Variants in NUP58 observed in about 807,000 individuals in gnomAD.
NUP58 encodes nucleoporin 58, also known as nucleoporin p58/p45.
NUP58 carries 17 observed loss-of-function variants against 70.1 expected under a neutral mutation model. That is an observed-to-expected ratio of 0.24 (90% CI 0.17 to 0.36). The LOEUF (loss-of-function observed/expected upper bound fraction) is 0.36, where lower values mean the gene tolerates loss of function less well. Ranked by LOEUF, NUP58 falls within the 10% of genes least tolerant of loss-of-function variation. The pLI, the probability that NUP58 is intolerant of heterozygous loss-of-function variation, is 1.00. For synonymous variants in NUP58, 275 were observed against 257.6 expected, an observed-to-expected ratio of 1.07 and a Z score of -0.65; for missense variants, 644 against 701.5, an observed-to-expected ratio of 0.92 and a Z score of 0.93.
chr13:25,349,158 A>T (rs749841866), intron 3 of NUP58, among the ~76,000 whole-genome samples: 1 of 152,144 alleles, frequency 6.6e-6, no homozygotes, highest in East Asian at 1.9e-4. Flanking sequence ...TTTGTCTCCC[A>T]TATTAGGCTG....
Position 25,340,169 on chromosome 13 carries a change from C to T in NUP58, c.*35C>T, listed in dbSNP as rs368330785. ...GATGTGTTGAGAGAATCCATAGCAG[C>T]ACCGTTCATTCTATGAGTCTATTTT... is the stretch of plus-strand genomic sequence containing the variant. On this transcript the variant is annotated 3_prime_UTR_variant, in exon 16 of 16. Transcript: ENST00000381736. 2.6e-6 allele frequency: 4 copies of T among 1,541,132 alleles called. No individual in the cohort carries two copies. The highest frequency in any genetic ancestry group is 2.8e-5 in the African/African-American group (2 of 71,590).
At chr13:25,338,349 T>C (rs1386371614) in intron 14 of NUP58, among the ~76,000 whole-genome samples, 1 of 152,186 alleles carries the variant, frequency 6.6e-6, no homozygotes, top group Non-Finnish European at 1.5e-5. Flanking sequence ...TGGGTAAAAT[T>C]TTCTAGCACA....
intron 1 of NUP58, among the ~76,000 whole-genome samples, chr13:25,302,210 T>C (rs2030052659): frequency 6.6e-6 from 1 of 152,256 alleles, no homozygotes; most frequent in African/African-American, 2.4e-5. Context: ...TGTGTCAGTC[T>C]TAGGCATAGA....
intron 6 of NUP58, chr13:25,317,592 CAAAG>C (rs2030990984): frequency 6.6e-6 from 1 of 151,888 alleles, no homozygotes; most frequent in Non-Finnish European, 1.5e-5. Flanking sequence ...AATGTCATAT[CAAAG>C]AAATAATATG....
At chr13:25,309,353 T>C (rs1286486064) in intron 3 of NUP58, 71 bp downstream of exon 3, 3 of 1,146,436 alleles carry the variant, frequency 2.6e-6, no homozygotes, top group Non-Finnish European at 3.8e-6. Flanking sequence ...GTGATCTTTC[T>C]ACTCTTCTCT....
downstream of NUP58, among the ~76,000 whole-genome samples, chr13:25,346,136 C>A (rs774196327): frequency 6.6e-6 from 1 of 152,156 alleles, no homozygotes; most frequent in Non-Finnish European, 1.5e-5. Flanking sequence ...AATATAAATA[C>A]ATATGGGTAG....
At chr13:25,313,582 CT>C (rs771936328) in intron 4 of NUP58, 31 bp from the exon 5 acceptor site, 1 of 1,426,022 alleles carries the variant, frequency 7.0e-7, no homozygotes, top group Non-Finnish European at 9.2e-7. Context: ...AATAAGTTGC[CT>C]TTTGAAAGCT....
At chr13:25,302,379 T>C (rs1179278455) in intron 1 of NUP58, among the ~76,000 whole-genome samples, 2 of 152,250 alleles carry the variant, frequency 1.3e-5, no homozygotes, top group Non-Finnish European at 2.9e-5. Context: ...ACATGGGACC[T>C]TATCTGTTTT....
intron 6 of NUP58, among the ~76,000 whole-genome samples, chr13:25,316,367 G>GGT: frequency 6.6e-6 from 1 of 151,654 alleles, no homozygotes; most frequent in Non-Finnish European, 1.5e-5. Context: ...TATATACTAG[G>GGT]GTATATATAT....
chr13:25,312,932 C>T lies in NUP58; in HGVS notation c.336C>T (p.Phe112=). The T allele has an allele frequency of 1.2e-6, 2 of 1,614,032 alleles. No individual in the cohort carries two copies. The highest frequency in any genetic ancestry group is 1.7e-6 in the Non-Finnish European group (2 of 1,179,982). ...SAATTGFSLG[F]NKPAASATPF... ...CTACAACAGGCTTCAGTTTAGGATTCAATAAACCTGCAGCATCTGCCACAC... is the reference window on the plus strand; with the variant it reads ...CTACAACAGGCTTCAGTTTAGGATTTAATAAACCTGCAGCATCTGCCACAC... Residue 112 remains phenylalanine (F), a synonymous_variant, in exon 4 of 16, where the codon TTC becomes TTT. Coordinates refer to ENST00000381736, the MANE Select transcript of NUP58 (RefSeq NM_014089.4).
At chr13:25,329,202 C>T (rs2031513903) in intron 12 of NUP58, among the ~76,000 whole-genome samples, 1 of 152,056 alleles carries the variant, frequency 6.6e-6, no homozygotes, top group African/African-American at 2.4e-5. Context: ...ATTATGAAAT[C>T]TTTCAAATAT....
intron 11 of NUP58, 72 bp downstream of exon 11, chr13:25,327,106 A>C (rs2031425219): frequency 1.2e-6 from 1 of 833,346 alleles, no homozygotes; most frequent in Admixed American, 2.4e-5. Flanking sequence ...TATAATAGGT[A>C]TTTTGGATAA....
At chr13:25,334,669 G>A (rs1328581724) in intron 13 of NUP58, 5 of 979,362 alleles carry the variant, frequency 5.1e-6, no homozygotes, top group Non-Finnish European at 6.1e-6. Context: ...ATTACATTAG[G>A]CATTTGGGGT....
At chr13:25,346,668 A>C (rs989089132), downstream of NUP58, among the ~76,000 whole-genome samples, 15 of 151,296 alleles carry the variant, frequency 9.9e-5, no homozygotes, top group Admixed American at 2.6e-4. Context: ...TGCAGTGAGC[A>C]GAGATCGCAC....
At chr13:25,345,654 CA>C (rs141702998), downstream of NUP58, among the ~76,000 whole-genome samples, 740 of 152,114 alleles carry the variant, frequency 4.9e-3, 32 homozygotes, top group East Asian at 0.088. Flanking sequence ...TAGGAACTGT[CA>C]AAGAGAAGTT....
chr13:25,343,632 G>A (rs920968592), downstream of NUP58, among the ~76,000 whole-genome samples: 2 of 151,270 alleles, frequency 1.3e-5, no homozygotes, highest in African/African-American at 4.8e-5. Context: ...TTTTAGTAGA[G>A]ATTTAAGTAG....
intron 6 of NUP58, among the ~76,000 whole-genome samples, chr13:25,317,436 T>C (rs772026568): frequency 2.4e-4 from 36 of 152,156 alleles, no homozygotes; most frequent in Non-Finnish European, 3.7e-4. Context: ...TTAGGAAGCT[T>C]TTGTAGAGCT....
chr13:25,335,620 C>T, intron 13 of NUP58: 1 of 984,680 alleles, frequency 1.0e-6, no homozygotes, highest in Non-Finnish European at 1.2e-6. Context: ...ATTCTGGCTG[C>T]TATTAGTTAT....
chr13:25,330,651 A>G (rs1034382888), intron 12 of NUP58, among the ~76,000 whole-genome samples: 5 of 152,242 alleles, frequency 3.3e-5, no homozygotes, highest in Admixed American at 1.3e-4. Flanking sequence ...ATCAAAGCAG[A>G]TGCTGCATTG....
Sources: gnomAD v4.1 joint callset for allele counts (sites outside exome capture counted in the v4.1 genomes callset) on GRCh38, gnomAD v4.1.1 for gene constraint, MANE v1.5 for transcripts, NCBI Gene and HGNC (gene_info 2026-07-23, HGNC 2026-07-21) for gene names.